The following IL7 variants were observed in gnomAD, a reference collection of about 807,000 sequenced individuals.
The protein encoded by IL7 is interleukin 7.
IL7 carries 3 observed loss-of-function variants against 21.6 expected under a neutral mutation model. The observed-to-expected ratio is 0.14, with a 90% CI of 0.06 to 0.36. IL7 has a LOEUF of 0.36. IL7 is among the 10% of genes least tolerant of loss of function. The pLI is 1.00. For synonymous variants in IL7, 62 were observed against 68.1 expected (o/e 0.91, Z 0.44); for missense variants, 175 against 200.2 (o/e 0.87, Z 0.76).
chr8:78,736,492 G>A lies in IL7; in HGVS notation c.396C>T (p.Ala132=). ...TTCTCACCAAACTCTTTGTTGGTTG[G>A]GCTTCACCCAGGGCAGCTGGTTTTC... ...KGRKPAALGE[A]QPTKSLEENK... The change falls in exon 5 of 6, where the codon GCC becomes GCT. Residue 132 remains alanine, a synonymous_variant. Coordinates refer to ENST00000263851, the MANE Select transcript of IL7 (RefSeq NM_000880.4). 1 of 1,602,510 alleles carries A rather than the reference G, an allele frequency of 6.2e-7. No individual in the cohort carries two copies. Among genetic ancestry groups the A allele is most frequent in the East Asian group, 2.2e-5 (1 of 44,536 alleles).
chr8:78,689,113 CA>C, intron 3 of IL7: 1 of 751,132 alleles, frequency 1.3e-6, no homozygotes, highest in Non-Finnish European at 1.8e-6. Context: ...TTTTGCTTAT[CA>C]GATGTTATTA....
At chr8:78,693,013 A>G (rs1293568327) in intron 3 of IL7, among the ~76,000 whole-genome samples, 1 of 152,000 alleles carries the variant, frequency 6.6e-6, no homozygotes, top group Non-Finnish European at 1.5e-5. Context: ...TAGTTTGCTG[A>G]GAATGATGGT....
chr8:78,739,493 A>G (rs977330291), intron 3 of IL7, among the ~76,000 whole-genome samples: 1 of 152,148 alleles, frequency 6.6e-6, no homozygotes, highest in African/African-American at 2.4e-5. Context: ...GGAGATCGAG[A>G]TCATCCTGGC....
At chr8:78,759,078 TA>T (rs1437361830) in intron 2 of IL7, among the ~76,000 whole-genome samples, 2 of 151,584 alleles carry the variant, frequency 1.3e-5, no homozygotes, top group Admixed American at 6.6e-5. Context: ...CCTTTTTTTT[TA>T]ATCTGGCTTT....
chr8:78,762,519 A>AGGCC (rs1429262653), intron 2 of IL7: 19 of 811,320 alleles, frequency 2.3e-5, no homozygotes, highest in African/African-American at 9.4e-5. Flanking sequence ...GAGGGGAGCC[A>AGGCC]GGCCGGCCGG....
At chr8:78,775,294 G>A (rs562936363) in intron 2 of IL7, among the ~76,000 whole-genome samples, 1 of 152,148 alleles carries the variant, frequency 6.6e-6, no homozygotes, top group South Asian at 2.1e-4. Flanking sequence ...TTGAAAACCT[G>A]ACGGCATATT....
chr8:78,802,646 T>G (rs1814112592), intron 1 of IL7, among the ~76,000 whole-genome samples: 2 of 152,122 alleles, frequency 1.3e-5, no homozygotes, highest in South Asian at 4.1e-4. Context: ...TTGGCCAGCC[T>G]GGTCTCGAAC....
intron 2 of IL7, among the ~76,000 whole-genome samples, chr8:78,776,981 G>C (rs552470559): frequency 6.6e-6 from 1 of 152,100 alleles, no homozygotes; most frequent in African/African-American, 2.4e-5. Context: ...CTCTATAAAT[G>C]ACATTCCTAC....
Position 78,736,471 on chromosome 8 carries a change from C to T in IL7, c.414+3G>A, listed in dbSNP as rs1038673970. The T allele has an allele frequency of 8.2e-6, 13 of 1,586,920 alleles. No individual in the cohort carries two copies. The highest frequency in any genetic ancestry group is 3.4e-6 in the Non-Finnish European group (4 of 1,160,414). ...ATAAGGAAAATTATACAATTATTCTCACCAAACTCTTTGTTGGTTGGGCTT... is the reference window on the plus strand; with the variant it reads ...ATAAGGAAAATTATACAATTATTCTTACCAAACTCTTTGTTGGTTGGGCTT... On this transcript the variant is annotated splice_donor_region_variant and intron_variant, in intron 5 of 5. Coordinates refer to ENST00000263851, the MANE Select transcript of IL7 (RefSeq NM_000880.4).
At chr8:78,744,189 T>C (rs570627685) in intron 2 of IL7, among the ~76,000 whole-genome samples, 23 of 152,126 alleles carry the variant, frequency 1.5e-4, no homozygotes, top group African/African-American at 5.1e-4. Flanking sequence ...ACAGGTTCAG[T>C]ACCCAAATAG....
intron 2 of IL7, among the ~76,000 whole-genome samples, chr8:78,763,396 A>G (rs749038960): frequency 6.6e-6 from 1 of 152,234 alleles, no homozygotes; most frequent in Non-Finnish European, 1.5e-5. Context: ...TATTACCATA[A>G]ATTACTTGTA....
At chr8:78,705,454 G>C (rs746176020) in intron 3 of IL7, among the ~76,000 whole-genome samples, 1 of 152,156 alleles carries the variant, frequency 6.6e-6, no homozygotes. Context: ...CTCCTCCTGG[G>C]AGCTTCATTT....
At chr8:78,771,291 G>T (rs761221776) in intron 2 of IL7, among the ~76,000 whole-genome samples, 1 of 151,752 alleles carries the variant, frequency 6.6e-6, no homozygotes, top group East Asian at 1.9e-4. Context: ...AGTTTTGATT[G>T]GTCTAAGACT....
At chr8:78,746,031 CTT>C (rs1318607600) in intron 2 of IL7, among the ~76,000 whole-genome samples, 1 of 152,178 alleles carries the variant, frequency 6.6e-6, no homozygotes, top group Non-Finnish European at 1.5e-5. Context: ...CCAAAATAAA[CTT>C]ATCACACCAA....
At chr8:78,801,499 T>C (rs371599238) in intron 1 of IL7, among the ~76,000 whole-genome samples, 7 of 152,230 alleles carry the variant, frequency 4.6e-5, no homozygotes, top group African/African-American at 1.7e-4. Flanking sequence ...AAGGCTGCCA[T>C]GAGCCATGAT....
chr8:78,689,125 C>A, intron 3 of IL7: 1 of 887,102 alleles, frequency 1.1e-6, no homozygotes, highest in Non-Finnish European at 1.5e-6. Flanking sequence ...GATGTTATTA[C>A]TTATATTTTT....
intron 2 of IL7, among the ~76,000 whole-genome samples, chr8:78,754,621 G>A (rs1218031757): frequency 1.3e-5 from 2 of 152,030 alleles, no homozygotes; most frequent in South Asian, 2.1e-4. Flanking sequence ...GAGGCGTCAC[G>A]CTACCTGACT....
chr8:78,757,734 A>G (rs1159334423), intron 2 of IL7, among the ~76,000 whole-genome samples: 2 of 152,002 alleles, frequency 1.3e-5, no homozygotes, highest in African/African-American at 2.4e-5. Context: ...TTTCATATGC[A>G]TGGGATATGG....
At chr8:78,687,636 A>ATATATATGTTTATGTAATACAT (rs1563626734) in intron 3 of IL7, among the ~76,000 whole-genome samples, 10 of 129,972 alleles carry the variant, frequency 7.7e-5, no homozygotes, top group East Asian at 2.2e-4. Flanking sequence ...GTAATACATT[A>ATATATATGTTTATGTAATACAT]TATATATATT....
Sources: allele counts gnomAD v4.1 joint callset (sites outside exome capture counted in the v4.1 genomes callset), GRCh38; gene constraint gnomAD v4.1.1; transcripts MANE v1.5; gene names NCBI Gene and HGNC (gene_info 2026-07-23, HGNC 2026-07-21).